NRTN: variants seen among roughly 807,000 people sequenced by gnomAD.
The protein encoded by NRTN is neurturin.
Under a neutral mutation model 7.5 loss-of-function variants are expected in NRTN, and 3 were observed. The observed-to-expected ratio is 0.40, with a 90% CI of 0.18 to 1.03. The LOEUF (loss-of-function observed/expected upper bound fraction) is 1.03. NRTN is among the 50% of genes least tolerant of loss of function. The pLI is 0.34. For missense variants in NRTN, 310 were observed against 307.0 expected (o/e 1.01, Z -0.07); for synonymous variants, 157 against 146.6 (o/e 1.07, Z -0.51).
chr19:5,820,290 G>C (rs1191831469), intron 1 of NRTN, among the ~76,000 whole-genome samples: 4 of 139,388 alleles, frequency 2.9e-5, no homozygotes, highest in Non-Finnish European at 6.1e-5. Context: ...AAAATTGCCG[G>C]GCACGGTGGC....
At chr19:5,825,835 T>C (rs1432458750) in intron 2 of NRTN, among the ~76,000 whole-genome samples, 1 of 152,164 alleles carries the variant, frequency 6.6e-6, no homozygotes, top group African/African-American at 2.4e-5. Flanking sequence ...ACAGACATCC[T>C]AAAAGATGAT....
chr19:5,818,578 G>A (rs763011261), intron 1 of NRTN, among the ~76,000 whole-genome samples: 1 of 151,984 alleles, frequency 6.6e-6, no homozygotes, highest in Non-Finnish European at 1.5e-5. Flanking sequence ...CCAGGATGAG[G>A]GGTCTCAGGG....
chr19:5,811,539 C>A (rs1424859193), intron 1 of NRTN, among the ~76,000 whole-genome samples: 1 of 152,030 alleles, frequency 6.6e-6, no homozygotes, highest in Non-Finnish European at 1.5e-5. Context: ...GTTATTATTA[C>A]TATTATTATT....
intron 2 of NRTN, among the ~76,000 whole-genome samples, chr19:5,825,536 C>A (rs1482366015): frequency 6.6e-6 from 1 of 152,268 alleles, no homozygotes; most frequent in Non-Finnish European, 1.5e-5. Flanking sequence ...TCCCTCTCTG[C>A]AAGCGGCGTG....
intron 1 of NRTN, among the ~76,000 whole-genome samples, chr19:5,819,770 C>T (rs1292020370): frequency 6.6e-6 from 1 of 151,596 alleles, no homozygotes; most frequent in Non-Finnish European, 1.5e-5. Context: ...ATCACCTGAG[C>T]TGGGTAGGTT....
chr19:5,811,710 G>GTT (rs57430586), intron 1 of NRTN, among the ~76,000 whole-genome samples: 20 of 109,802 alleles, frequency 1.8e-4, no homozygotes, highest in Non-Finnish European at 2.1e-4. Context: ...TTTGTTTTTT[G>GTT]TTTTTTTTTT....
chr19:5,808,901 G>A (rs921011857), intron 1 of NRTN, among the ~76,000 whole-genome samples: 12 of 151,248 alleles, frequency 7.9e-5, no homozygotes, highest in African/African-American at 2.7e-4. Context: ...GACTACAGGC[G>A]CCCACCACCA....
Position 5,828,092 on chromosome 19 carries a change from G to A in NRTN, c.513G>A (p.Glu171=), listed in dbSNP as rs1188944158. ...CCTGCTGCCGCCCGACGGCCTACGA[G>A]GACGAGGTGTCCTTCCTGGACGCGC... is the stretch of plus-strand genomic sequence containing the variant. The part of the protein sequence containing the change: ...AQPCCRPTAY[E]DEVSFLDAHS... Residue 171 remains glutamate, a synonymous_variant, in exon 3 of 3, where the codon GAG becomes GAA. Coordinates refer to ENST00000303212, the MANE Select transcript of NRTN (RefSeq NM_004558.5). 2 of 1,495,054 alleles carry A rather than the reference G, an allele frequency of 1.3e-6. No individual in the cohort carries two copies. The highest frequency in any genetic ancestry group is 1.5e-5 in the African/African-American group (1 of 68,722). 92.6% of individuals were successfully genotyped at this position (1,495,054 alleles called of 1,614,324 possible).
chr19:5,818,451 A>T (rs2057013144), intron 1 of NRTN, among the ~76,000 whole-genome samples: 1 of 152,016 alleles, frequency 6.6e-6, no homozygotes, highest in South Asian at 2.1e-4. Flanking sequence ...TAAGCCTGAC[A>T]GTGTGCTGTG....
At chr19:5,810,132 T>C (rs1262998989) in intron 1 of NRTN, among the ~76,000 whole-genome samples, 2 of 151,424 alleles carry the variant, frequency 1.3e-5, no homozygotes, top group African/African-American at 4.9e-5. Context: ...CTGGGCATGG[T>C]GGCAGGCACC....
Position 5,823,032 on chromosome 19 carries a change from AG to A in NRTN, c.-398-735del, listed in dbSNP as rs2057030996. Among the ~76,000 whole-genome samples the A allele has an allele frequency of 3.5e-5, 5 of 143,394 alleles. No homozygotes were observed. The Admixed American group carries it at 3.5e-4, about 10-fold the overall frequency. The allele number at this position is 143,394 out of a possible 152,430, so 94.1% of individuals were successfully genotyped here. ...GAGCAAGACCCTGTCTCAAAAAAAA[AG>A]AAAGAGAGAGAGAGAAAGAAAGAAA... On this transcript the variant is annotated intron_variant, in intron 1 of 2. Transcript: ENST00000303212.
chr19:5,825,799 G>A (rs1263836419), intron 2 of NRTN, among the ~76,000 whole-genome samples: 1 of 152,226 alleles, frequency 6.6e-6, no homozygotes, highest in East Asian at 1.9e-4. Flanking sequence ...TGTGCAAGCA[G>A]CCAGCCCCGC....
intron 2 of NRTN, 99 bp downstream of exon 2, chr19:5,824,433 T>A: frequency 2.8e-6 from 4 of 1,444,010 alleles, no homozygotes; most frequent in Non-Finnish European, 3.8e-6. Flanking sequence ...ATAGGTTTTT[T>A]AAAGATAGGG....
intron 1 of NRTN, among the ~76,000 whole-genome samples, chr19:5,822,303 G>T (rs2057027769): frequency 6.6e-6 from 1 of 152,208 alleles, no homozygotes; most frequent in African/African-American, 2.4e-5. Context: ...GGAACCCCAT[G>T]AGCCGAGCCC....
chr19:5,807,955 C>A (rs1343813194), intron 1 of NRTN, among the ~76,000 whole-genome samples: 1 of 152,110 alleles, frequency 6.6e-6, no homozygotes, highest in Non-Finnish European at 1.5e-5. Context: ...TGGTGGCATC[C>A]CCCTCTGGTC....
In NRTN at chr19:5,820,590, A is replaced by G. The variant is rs193200692; in HGVS notation, c.-398-3178A>G. ...AAAAAAAAAAAAAAATTACTTAGACATGGTGGCACATTCGTTTAATCCCAG... is the reference window on the plus strand; with the variant it reads ...AAAAAAAAAAAAAAATTACTTAGACGTGGTGGCACATTCGTTTAATCCCAG... On this transcript the variant is annotated intron_variant, in intron 1 of 2. Transcript: ENST00000303212. 2.9e-5 allele frequency among the ~76,000 whole-genome samples: 4 copies of G among 137,274 alleles called. 1 individual carries two copies. The highest frequency in any genetic ancestry group is 2.2e-4 in the Admixed American group (3 of 13,710). The allele number at this position is 137,274 out of a possible 152,430, so 90.1% of individuals were successfully genotyped here.
chr19:5,810,031 C>T lies in NRTN; in HGVS notation c.-399+4580C>T, dbSNP rs184951765. 3.0e-3 allele frequency among the ~76,000 whole-genome samples: 463 copies of T among 151,816 alleles called. 2 individuals are homozygous for T. The highest frequency in any genetic ancestry group is 4.5e-3 in the Admixed American group (69 of 15,232). ...CTATAATCCCAGCACTTTGGGAGGC[C>T]GAGGCTGGCGGATCACGAGGTCAGG... On this transcript the variant is annotated intron_variant, in intron 1 of 2. Coordinates refer to ENST00000303212, the MANE Select transcript of NRTN (RefSeq NM_004558.5).
chr19:5,826,216 A>G (rs1368313209), intron 2 of NRTN, among the ~76,000 whole-genome samples: 1 of 151,990 alleles, frequency 6.6e-6, no homozygotes, highest in African/African-American at 2.4e-5. Context: ...CAAGCCCACA[A>G]ATGTCTGCTT....
chr19:5,813,566 C>T lies in NRTN; in HGVS notation c.-399+8115C>T, dbSNP rs147271806. 9.3e-3 allele frequency among the ~76,000 whole-genome samples: 1,416 copies of T among 151,702 alleles called. 11 individuals are homozygous for T. Among genetic ancestry groups the T allele is most frequent in the Middle Eastern group, 0.017 (5 of 294 alleles). On this transcript the variant is annotated intron_variant, in intron 1 of 2. Transcript: ENST00000303212. ...GCTTATGGCTGTAATCCTACCTACT[C>T]GGGAGGCTGAGGCAGGAAAATTGCT...
Sources: gnomAD v4.1 joint callset for allele counts (sites outside exome capture counted in the v4.1 genomes callset) on GRCh38, gnomAD v4.1.1 for gene constraint, MANE v1.5 for transcripts, NCBI Gene and HGNC (gene_info 2026-07-23, HGNC 2026-07-21) for gene names.